Variants in CHL1 observed in about 807,000 individuals in gnomAD.
The protein encoded by CHL1 is cell adhesion molecule L1 like, also known as neural cell adhesion molecule L1-like protein.
A neutral mutation model predicts 141.9 loss-of-function variants in CHL1; 96 were observed. That is an observed-to-expected ratio of 0.68 (90% CI 0.57 to 0.80). The LOEUF (loss-of-function observed/expected upper bound fraction) is 0.80, where lower values mean the gene tolerates loss of function less well. Among genes scored for constraint, CHL1 ranks in the 30% least tolerant of loss-of-function variants. The pLI is 0.00. For synonymous variants in CHL1, 613 were observed against 502.2 expected, an observed-to-expected ratio of 1.22 and a Z score of -2.95; for missense variants, 1,820 against 1,457.2, an observed-to-expected ratio of 1.25 and a Z score of -4.05.
Position 282,438 on chromosome 3 carries a change from CTTTA to C in CHL1, c.-94-37237_-94-37234del, listed in dbSNP as rs536077082. ...TTTTGTATTTTCCTTTACTAGTGTT[CTTTA>C]TTTATTTGTATAGATTGAGGTTAAC... is the stretch of plus-strand genomic sequence containing the variant. On this transcript the variant is annotated intron_variant, in intron 2 of 27. Transcript: ENST00000256509. Among the ~76,000 whole-genome samples the C allele has an allele frequency of 2.8e-3, 424 of 152,080 alleles. 2 individuals carry two copies. Among genetic ancestry groups the C allele is most frequent in the Middle Eastern group, 6.8e-3 (2 of 292 alleles).
chr3:372,215 C>G (rs1705728018), intron 15 of CHL1, among the ~76,000 whole-genome samples: 1 of 152,168 alleles, frequency 6.6e-6, no homozygotes, highest in Admixed American at 6.5e-5. Context: ...CAGCTTGTTT[C>G]CATTCTACCC....
At chr3:312,994 T>C (rs1699876427) in intron 2 of CHL1, among the ~76,000 whole-genome samples, 1 of 152,326 alleles carries the variant, frequency 6.6e-6, no homozygotes, top group East Asian at 1.9e-4. Flanking sequence ...AGTTAATTTC[T>C]ACCTCTGGAA....
intron 5 of CHL1, among the ~76,000 whole-genome samples, chr3:333,584 T>C (rs562809593): frequency 3.3e-5 from 5 of 152,294 alleles, no homozygotes; most frequent in African/African-American, 1.2e-4. Context: ...ACTAAATGTA[T>C]TATCCAAGAC....
intron 1 of CHL1, among the ~76,000 whole-genome samples, chr3:229,391 T>C (rs182978760): frequency 3.9e-4 from 60 of 152,256 alleles, no homozygotes; most frequent in African/African-American, 1.4e-3. Context: ...GCCACAAATC[T>C]TTTGCTAAAA....
chr3:254,871 C>T (rs1694014685), intron 2 of CHL1, among the ~76,000 whole-genome samples: 1 of 152,118 alleles, frequency 6.6e-6, no homozygotes, highest in Non-Finnish European at 1.5e-5. Flanking sequence ...CTTAAAGGCC[C>T]ACCAGTTAAT....
chr3:362,296 T>A (rs1704338227), intron 13 of CHL1, among the ~76,000 whole-genome samples: 1 of 152,190 alleles, frequency 6.6e-6, no homozygotes, highest in African/African-American at 2.4e-5. Context: ...TCTACCTTAT[T>A]AGTTGCTTTA....
Position 254,388 on chromosome 3 carries a change from A to G in CHL1, c.-95+9696A>G, listed in dbSNP as rs555675213. 3.9e-5 allele frequency among the ~76,000 whole-genome samples: 6 copies of G among 152,264 alleles called. No homozygotes were observed. In the East Asian group the frequency reaches 1.2e-3, roughly 29 times the overall value. On this transcript the variant is annotated intron_variant, in intron 2 of 27. Coordinates refer to ENST00000256509, the MANE Select transcript of CHL1 (RefSeq NM_006614.4). Reference sequence around the variant, plus strand: ...CCCAAGCTAGTGACATGGCCTCTCTAAGGAGGTAAAGTGGGCTGATACCCA... The same window carrying G: ...CCCAAGCTAGTGACATGGCCTCTCTGAGGAGGTAAAGTGGGCTGATACCCA...
At chr3:396,787 G>A (rs1255866324) in intron 24 of CHL1, among the ~76,000 whole-genome samples, 1 of 152,050 alleles carries the variant, frequency 6.6e-6, no homozygotes, top group Non-Finnish European at 1.5e-5. Context: ...CTATAGGCAT[G>A]TCTTGCTATA....
chr3:359,450 G>A (rs1041924353), intron 11 of CHL1, among the ~76,000 whole-genome samples: 13 of 152,052 alleles, frequency 8.5e-5, no homozygotes, highest in East Asian at 1.9e-4. Context: ...TTACAGGAGT[G>A]CACCACCACA....
intron 15 of CHL1, among the ~76,000 whole-genome samples, chr3:375,972 C>G (rs1706264016): frequency 6.6e-6 from 1 of 152,104 alleles, no homozygotes; most frequent in South Asian, 2.1e-4. Context: ...AGACTGGATA[C>G]CGCAGATGAA....
At chr3:245,278 A>G (rs1047534329) in intron 2 of CHL1, among the ~76,000 whole-genome samples, 4 of 152,192 alleles carry the variant, frequency 2.6e-5, no homozygotes, top group African/African-American at 9.6e-5. Context: ...AGAAAAGTTC[A>G]CATTGGAAGG....
At chr3:347,454 A>G (rs1315269126) in intron 9 of CHL1, among the ~76,000 whole-genome samples, 2 of 152,172 alleles carry the variant, frequency 1.3e-5, no homozygotes, top group African/African-American at 4.8e-5. Context: ...CATGGTATAG[A>G]CCTATCCTGA....
intron 1 of CHL1, among the ~76,000 whole-genome samples, chr3:240,159 G>A (rs1397158326): frequency 2.0e-5 from 3 of 152,172 alleles, no homozygotes; most frequent in Non-Finnish European, 4.4e-5. Flanking sequence ...AGTTCTGTAA[G>A]GAATCTCCGT....
chr3:313,443 A>C (rs1473571270), intron 2 of CHL1, among the ~76,000 whole-genome samples: 1 of 152,210 alleles, frequency 6.6e-6, no homozygotes, highest in Non-Finnish European at 1.5e-5. Context: ...TCCAGCATAT[A>C]AATTTGAATA....
intron 11 of CHL1, among the ~76,000 whole-genome samples, chr3:359,248 G>A (rs1703990507): frequency 1.3e-5 from 2 of 151,822 alleles, no homozygotes; most frequent in South Asian, 4.1e-4. Context: ...ACATCCAGTA[G>A]AGTTTTTGGT....
rs1216648411 is a variant in CHL1 at position 377,834 on chromosome 3, G to A, written c.1768G>A (p.Ala590Thr). Reference sequence around the variant, plus strand: ...TTCTGATAGGATAATTATTGATGGAGCTAATTTGACCATATCTAATGTAAC... The same window carrying A: ...TTCTGATAGGATAATTATTGATGGAACTAATTTGACCATATCTAATGTAAC... ...TEDGRIIIDGANLTISNVTLE... is the reference protein window; with the variant it reads ...TEDGRIIIDGTNLTISNVTLE... Residue 590 changes from alanine to threonine, a missense_variant, in exon 16 of 28, where the codon GCT becomes ACT. Coordinates refer to ENST00000256509, the MANE Select transcript of CHL1 (RefSeq NM_006614.4). 5.0e-6 allele frequency: 8 copies of A among 1,607,648 alleles called. No homozygotes were observed. In the African/African-American group the frequency reaches 9.4e-5, roughly 19 times the overall value.
At chr3:326,642 A>C (rs968708681) in intron 4 of CHL1, among the ~76,000 whole-genome samples, 1 of 151,854 alleles carries the variant, frequency 6.6e-6, no homozygotes, top group East Asian at 1.9e-4. Flanking sequence ...GAGCTTTTTC[A>C]AAATACCTTC....
chr3:227,319 G>T (rs1701443430), intron 1 of CHL1, among the ~76,000 whole-genome samples: 1 of 152,116 alleles, frequency 6.6e-6, no homozygotes, highest in Non-Finnish European at 1.5e-5. Context: ...CCAAAGTTGG[G>T]GTCTAGAATA....
rs540751647 is a variant in CHL1 at position 354,854 on chromosome 3, A to C, written c.1165+83A>C. 7.4e-5 allele frequency: 113 copies of C among 1,537,176 alleles called. 1 individual carries two copies. The highest frequency in any genetic ancestry group is 8.8e-5 in the Non-Finnish European group (100 of 1,132,434). ...TGATGGTCAGACGTGTGTAAAATGA[A>C]GTTGGTATGTGGTTGGATTAGCAGG... On this transcript the variant is annotated intron_variant, in intron 11 of 27. Transcript: ENST00000256509.
Sources: gnomAD v4.1 joint callset for allele counts (sites outside exome capture counted in the v4.1 genomes callset) on GRCh38, gnomAD v4.1.1 for gene constraint, MANE v1.5 for transcripts, NCBI Gene and HGNC (gene_info 2026-07-23, HGNC 2026-07-21) for gene names.